The following FKBP7 variants were observed in gnomAD, a reference collection of about 807,000 sequenced individuals.
FKBP7 encodes the protein FKBP prolyl isomerase 7, also known as peptidyl-prolyl cis-trans isomerase FKBP7.
In FKBP7, 24 loss-of-function variants were observed where a neutral mutation model predicts 24.3. The observed-to-expected ratio is 0.99, with a 90% CI of 0.72 to 1.39. FKBP7 has a LOEUF of 1.39. Among genes scored for constraint, FKBP7 ranks in the 40% most tolerant of loss-of-function variants. The probability of loss-of-function intolerance (pLI) is 0.00; values close to 1 mark genes in which losing one functional copy is unlikely to be tolerated. For missense variants in FKBP7, 257 were observed against 269.5 expected, an observed-to-expected ratio of 0.95 and a Z score of 0.33; for synonymous variants, 98 against 92.8, an observed-to-expected ratio of 1.06 and a Z score of -0.32.
rs1262044334 is a variant in FKBP7 at position 178,469,638 on chromosome 2, T to C, written c.507+14A>G. ...AAAAAATTAGACTATACACATGAAATTGGTTTGAATTACCTCGGCTTTAGA... is the reference window on the plus strand; with the variant it reads ...AAAAAATTAGACTATACACATGAAACTGGTTTGAATTACCTCGGCTTTAGA... On this transcript the variant is annotated intron_variant, in intron 3 of 3. Coordinates refer to ENST00000424785, the MANE Select transcript of FKBP7 (RefSeq NM_181342.3). 6.2e-7 allele frequency: 1 copy of C among 1,613,188 alleles called. No individual in the cohort carries two copies. The highest frequency in any genetic ancestry group is 1.1e-5 in the South Asian group (1 of 90,876).
At chr2:178,478,173 G>A (rs1685066259) in intron 1 of FKBP7, 106 bp downstream of exon 1, 7 of 1,269,580 alleles carry the variant, frequency 5.5e-6, no homozygotes, top group South Asian at 1.4e-5. Context: ...AACTTTTACC[G>A]TTAAAAAATA....
At chr2:178,469,829 G>C in intron 2 of FKBP7, 44 bp from the exon 3 acceptor site, 1 of 1,526,590 alleles carries the variant, frequency 6.6e-7, no homozygotes, top group Non-Finnish European at 9.0e-7. Context: ...TAAAGATATA[G>C]TTCAAATATC....
chr2:178,474,190 G>A (rs1313388443), intron 2 of FKBP7, among the ~76,000 whole-genome samples: 6 of 152,134 alleles, frequency 3.9e-5, no homozygotes, highest in Non-Finnish European at 5.9e-5. Context: ...ATTTCAAACC[G>A]GTGGAGTCAG....
At chr2:178,469,627 T>C in intron 3 of FKBP7, 25 bp downstream of exon 3, 6 of 1,612,590 alleles carry the variant, frequency 3.7e-6, no homozygotes, top group East Asian at 2.2e-5. Context: ...AATTAGACTA[T>C]ACACATGAAA....
chr2:178,477,688 T>C (rs1459013819), intron 1 of FKBP7, among the ~76,000 whole-genome samples: 1 of 152,156 alleles, frequency 6.6e-6, no homozygotes, highest in East Asian at 1.9e-4. Context: ...TAAATTTCTC[T>C]ATTTTATTCT....
In FKBP7 at chr2:178,471,546, C is replaced by T. The variant is rs1684847561; in HGVS notation, c.374-1761G>A. Among the ~76,000 whole-genome samples, 5 of 152,108 alleles carry T rather than the reference C, an allele frequency of 3.3e-5. No individual in the cohort carries two copies. The South Asian group carries it at 1.0e-3, about 32-fold the overall frequency. On this transcript the variant is annotated intron_variant, in intron 2 of 3. Coordinates refer to ENST00000424785, the MANE Select transcript of FKBP7 (RefSeq NM_181342.3). ...ACAGGTGATTTTAATAAGTGATGGG[C>T]TATTTCAGATAAATATGTCATAAAA...
At chr2:178,467,712 G>T (rs1019877136) in intron 3 of FKBP7, 4 of 152,176 alleles carry the variant, frequency 2.6e-5, no homozygotes, top group African/African-American at 9.7e-5. Context: ...TAGATAAGTA[G>T]ATTACTATTT....
intron 1 of FKBP7, 88 bp downstream of exon 1, chr2:178,478,191 A>G (rs1281979735): frequency 6.8e-7 from 1 of 1,470,346 alleles, no homozygotes; most frequent in African/African-American, 1.4e-5. Context: ...ATAAAACCCC[A>G]ACCAACCAAC....
Position 178,465,698 on chromosome 2 carries a change from G to A in FKBP7, c.*72C>T. 7.4e-7 allele frequency: 1 copy of A among 1,354,848 alleles called. No homozygotes were observed. Among genetic ancestry groups the A allele is most frequent in the Non-Finnish European group, 9.7e-7 (1 of 1,028,996 alleles). 83.9% of individuals were successfully genotyped at this position (1,354,848 alleles called of 1,614,324 possible). A position where few individuals can be genotyped will look rare whatever the true frequency, so the allele number is the denominator to read the frequency against. ...GGGGAAAAATAGCAAATACAACTTG[G>A]AGAAAAGTGACTTTGTTTTATACAT... On this transcript the variant is annotated 3_prime_UTR_variant, in exon 4 of 4. Coordinates refer to ENST00000424785, the MANE Select transcript of FKBP7 (RefSeq NM_181342.3).
intron 1 of FKBP7, among the ~76,000 whole-genome samples, chr2:178,477,868 C>T (rs1685054626): frequency 6.6e-6 from 1 of 152,072 alleles, no homozygotes; most frequent in Admixed American, 6.5e-5. Flanking sequence ...AGAAAGTGGC[C>T]ACAACCTATA....
At chr2:178,474,341 T>C (rs1684941003) in intron 2 of FKBP7, among the ~76,000 whole-genome samples, 1 of 152,168 alleles carries the variant, frequency 6.6e-6, no homozygotes, top group African/African-American at 2.4e-5. Context: ...AAAATTTTCT[T>C]CTCTGTTCTG....
chr2:178,473,986 T>G (rs1684929732), intron 2 of FKBP7, among the ~76,000 whole-genome samples: 1 of 152,194 alleles, frequency 6.6e-6, no homozygotes, highest in Admixed American at 6.5e-5. Context: ...TTAGGAGTTT[T>G]AAGCCTGACT....
chr2:178,466,937 T>A (rs1232071740), intron 3 of FKBP7, among the ~76,000 whole-genome samples: 1 of 152,076 alleles, frequency 6.6e-6, no homozygotes, highest in Non-Finnish European at 1.5e-5. Flanking sequence ...TATCCCAGGG[T>A]CAACCCATTG....
chr2:178,471,095 C>A (rs905744603), intron 2 of FKBP7, among the ~76,000 whole-genome samples: 21 of 151,954 alleles, frequency 1.4e-4, no homozygotes, highest in African/African-American at 5.1e-4. Context: ...GAACTCCTGA[C>A]CTCAGGTGAT....
chr2:178,478,599 A>C lies in FKBP7; in HGVS notation c.-100T>G. On this transcript the variant is annotated 5_prime_UTR_variant, in exon 1 of 4. Transcript: ENST00000424785. ...CGCGTGGCAGGCGTTGTCCTGCGTC[A>C]CAAAGGGCCGGGGCGGGGCCATAGA... is the stretch of plus-strand genomic sequence containing the variant. The C allele has an allele frequency of 6.5e-7, 1 of 1,549,460 alleles. No individual in the cohort carries two copies. The highest frequency in any genetic ancestry group is 1.2e-5 in the South Asian group (1 of 80,832).
intron 2 of FKBP7, among the ~76,000 whole-genome samples, chr2:178,472,085 T>A (rs890247572): frequency 3.9e-5 from 6 of 151,918 alleles, no homozygotes; most frequent in Admixed American, 6.6e-5. Flanking sequence ...TTCGTTTTTT[T>A]TTTTTTTTGA....
rs371121512 is a variant in FKBP7 at position 178,469,803 on chromosome 2, A to G, written c.374-18T>C. The G allele has an allele frequency of 3.9e-5, 62 of 1,605,524 alleles. No individual in the cohort carries two copies. In the African/African-American group the frequency reaches 5.8e-4, roughly 15 times the overall value. ...GCCTTCTGCTAAGGGTATAAATTTT[A>G]ACAGTTTAACTTATGTAAAGATATA... On this transcript the variant is annotated intron_variant, in intron 2 of 3. Coordinates refer to ENST00000424785, the MANE Select transcript of FKBP7 (RefSeq NM_181342.3).
chr2:178,477,944 A>T (rs1261655131), intron 1 of FKBP7, among the ~76,000 whole-genome samples: 1 of 152,238 alleles, frequency 6.6e-6, no homozygotes, highest in African/African-American at 2.4e-5. Flanking sequence ...TAAAGACTCA[A>T]TACTTCTGGC....
intron 2 of FKBP7, among the ~76,000 whole-genome samples, chr2:178,471,924 T>G (rs534522561): frequency 3.9e-5 from 6 of 152,192 alleles, no homozygotes; most frequent in African/African-American, 7.2e-5. Context: ...ACATATTACC[T>G]GACTTTAGAG....
Sources: gnomAD v4.1 joint callset for allele counts (sites outside exome capture counted in the v4.1 genomes callset) on GRCh38, gnomAD v4.1.1 for gene constraint, MANE v1.5 for transcripts, NCBI Gene and HGNC (gene_info 2026-07-23, HGNC 2026-07-21) for gene names.